The following DSC3 variants were observed in gnomAD, a reference collection of about 807,000 sequenced individuals.
DSC3 encodes the protein desmocollin-3.
A neutral mutation model predicts 89.5 loss-of-function variants in DSC3; 97 were observed. The observed-to-expected ratio is 1.08, with a 90% CI of 0.92 to 1.28. DSC3 has a LOEUF of 1.28. Ranked by LOEUF, DSC3 falls within the 50% of genes most tolerant of loss-of-function variation. The pLI, the probability that DSC3 is intolerant of heterozygous loss-of-function variation, is 0.00. For synonymous variants in DSC3, 436 were observed against 384.1 expected, an observed-to-expected ratio of 1.14 and a Z score of -1.58; for missense variants, 1,199 against 1,085.3, an observed-to-expected ratio of 1.10 and a Z score of -1.47.
At chr18:31,035,679 T>C (rs758705663) in intron 1 of DSC3, among the ~76,000 whole-genome samples, 16 of 151,916 alleles carry the variant, frequency 1.1e-4, no homozygotes, top group Non-Finnish European at 2.1e-4. Flanking sequence ...TTAAATCAAT[T>C]AAATCATAAA....
intron 6 of DSC3, 25 bp downstream of exon 6, chr18:31,024,324 T>C (rs753103946): frequency 2.6e-6 from 4 of 1,550,138 alleles, no homozygotes; most frequent in Non-Finnish European, 3.5e-6. Flanking sequence ...AAAATGATTC[T>C]TTTTATTCTT....
intron 15 of DSC3, 32 bp from the exon 16 acceptor site, chr18:30,994,404 A>G: frequency 6.2e-7 from 1 of 1,604,158 alleles, no homozygotes; most frequent in Non-Finnish European, 8.5e-7. Flanking sequence ...GAATTGCATT[A>G]TAGTTTTAAA....
Position 31,022,407 on chromosome 18 carries a change from A to T in DSC3, c.871T>A (p.Ser291Thr). 4 of 1,614,000 alleles carry T rather than the reference A, an allele frequency of 2.5e-6. No homozygotes were observed. The highest frequency in any genetic ancestry group is 3.4e-6 in the Non-Finnish European group (4 of 1,179,960). The change falls in exon 7 of 16, where the codon TCA becomes ACA. Residue 291 changes from serine (S) to threonine (T), a missense_variant. Physicochemically the swap from Ser to Thr is moderately conservative, Grantham distance 58 (BLOSUM62 1). Transcript: ENST00000360428. ...GGATGCACAGAAAAGAGCCCAGGTGACCTTGGTGTCTGCTGCAAAATGCTG... is the reference window on the plus strand; with the variant it reads ...GGATGCACAGAAAAGAGCCCAGGTGTCCTTGGTGTCTGCTGCAAAATGCTG... ...KYSILQQTPR[S>T]PGLFSVHPST...
At chr18:31,032,110 A>G in intron 2 of DSC3, 82 bp downstream of exon 2, 1 of 989,800 alleles carries the variant, frequency 1.0e-6, no homozygotes, top group East Asian at 2.5e-5. Flanking sequence ...GCTAACTCCA[A>G]AAGGCAAAGG....
chr18:31,015,967 A>G (rs963170892), intron 9 of DSC3, among the ~76,000 whole-genome samples: 1 of 152,174 alleles, frequency 6.6e-6, no homozygotes, highest in Non-Finnish European at 1.5e-5. Flanking sequence ...AGATGAGGAC[A>G]GAGACCTCTA....
chr18:31,018,558 G>T (rs922419874), intron 8 of DSC3, 108 bp downstream of exon 8: 2 of 1,210,554 alleles, frequency 1.7e-6, no homozygotes, highest in East Asian at 2.5e-5. Context: ...CATAAAATAC[G>T]TATACGTCAA....
chr18:31,031,999 A>ATAAT (rs752491506), intron 2 of DSC3, among the ~76,000 whole-genome samples, 193 bp downstream of exon 2: 313 of 152,312 alleles, frequency 2.1e-3, no homozygotes, highest in Non-Finnish European at 3.2e-3. Flanking sequence ...AAATAAATAA[A>ATAAT]CATCTTCAGG....
chr18:30,994,576 C>A, intron 15 of DSC3: 1 of 1,128,928 alleles, frequency 8.9e-7, no homozygotes, highest in South Asian at 1.4e-5. Context: ...TCTAGTGCTC[C>A]ATATAAATAA....
At chr18:31,034,574 T>C (rs141753378) in intron 1 of DSC3, among the ~76,000 whole-genome samples, 41 of 152,282 alleles carry the variant, frequency 2.7e-4, no homozygotes, top group Non-Finnish European at 5.0e-4. Context: ...GTCATGAATA[T>C]TCACAGTACA....
chr18:30,998,781 TAAC>T (rs200177504), intron 14 of DSC3, among the ~76,000 whole-genome samples: 6 of 152,058 alleles, frequency 3.9e-5, no homozygotes, highest in African/African-American at 7.2e-5. Flanking sequence ...CCAATGATGT[TAAC>T]AACAACAACA....
At chr18:31,038,728 A>C (rs938125667) in intron 1 of DSC3, among the ~76,000 whole-genome samples, 11 of 152,126 alleles carry the variant, frequency 7.2e-5, no homozygotes, top group Admixed American at 3.9e-4. Flanking sequence ...TGTGTGTTTT[A>C]ATAAATAATA....
chr18:31,020,551 T>G (rs1443117830), intron 7 of DSC3, among the ~76,000 whole-genome samples: 1 of 152,180 alleles, frequency 6.6e-6, no homozygotes, highest in African/African-American at 2.4e-5. Context: ...TACTGTTCGT[T>G]AGTCACGCTT....
rs561105257 is a variant in DSC3, at chr18:31,005,626, C to G, written c.1889-1260G>C. ...CCTGGTATGTTTCTTCTTTTATGCA[C>G]ATTATTAATCAATTATTGAACAAGC... On this transcript the variant is annotated intron_variant, in intron 12 of 15. Transcript: ENST00000360428. 2.0e-4 allele frequency among the ~76,000 whole-genome samples: 30 copies of G among 152,250 alleles called. No individual in the cohort carries two copies. In the East Asian group the frequency reaches 4.2e-3, roughly 22 times the overall value.
rs372338513 is a variant in DSC3 at position 30,994,288 on chromosome 18, G to C, written c.2578C>G (p.Pro860Ala). ...LTYNYEGRGS[P>A]AGSVGCCSEK... is the part of the protein sequence containing the mutation. ...CTGCAGCAGCCCACAGAACCAGCTG[G>C]AGATCCTCTTCCCTCATAGTTATAA... The change falls in exon 16 of 16, where the codon CCA (proline) becomes GCA (alanine). Residue 860 changes from proline to alanine, a missense_variant. Pro to Ala is a conservative substitution (Grantham distance 27). Coordinates refer to ENST00000360428, the MANE Select transcript of DSC3 (RefSeq NM_001941.5). The C allele has an allele frequency of 7.4e-6, 12 of 1,613,946 alleles. No homozygotes were observed. The African/African-American group carries it at 1.2e-4, about 16-fold the overall frequency.
intron 13 of DSC3, among the ~76,000 whole-genome samples, chr18:31,003,318 G>C (rs920977743): frequency 3.9e-5 from 6 of 152,028 alleles, no homozygotes; most frequent in African/African-American, 1.4e-4. Flanking sequence ...GATTGTTTTT[G>C]CTTGTTTGTT....
At chr18:31,028,332 A>C (rs143842886) in intron 4 of DSC3, among the ~76,000 whole-genome samples, 84 of 152,218 alleles carry the variant, frequency 5.5e-4, no homozygotes, top group Middle Eastern at 6.8e-3. Flanking sequence ...ATACTTCAAA[A>C]AGGAGGGAAA....
chr18:31,012,512 A>G lies in DSC3; in HGVS notation c.1264-3987T>C, dbSNP rs550178261. On this transcript the variant is annotated intron_variant, in intron 9 of 15. Coordinates refer to ENST00000360428, the MANE Select transcript of DSC3 (RefSeq NM_001941.5). ...CTCTCCTAGATAGTCTGGACATTCAACACCTGACTGTGGGGTACAAATCAC... is the reference window on the plus strand; with the variant it reads ...CTCTCCTAGATAGTCTGGACATTCAGCACCTGACTGTGGGGTACAAATCAC... 1.4e-3 allele frequency among the ~76,000 whole-genome samples: 206 copies of G among 152,294 alleles called. 1 individual carries two copies. Among genetic ancestry groups the G allele is most frequent in the African/African-American group, 4.8e-3 (199 of 41,568 alleles).
rs1984170399 is a variant in DSC3, at chr18:30,989,797, T to C, written c.*4378A>G. Among the ~76,000 whole-genome samples the C allele has an allele frequency of 6.6e-6, 1 of 152,162 alleles. No homozygotes were observed. Among genetic ancestry groups the C allele is most frequent in the Non-Finnish European group, 1.5e-5 (1 of 68,022 alleles). ...AAATAATATAAGAGCCAAAATAAAC[T>C]GTCTAAGCTGGTATTAACCTTTTTC... On this transcript the variant is annotated 3_prime_UTR_variant, in exon 16 of 16. Coordinates refer to ENST00000360428, the MANE Select transcript of DSC3 (RefSeq NM_001941.5).
chr18:30,996,476 C>T (rs927367285), intron 15 of DSC3, among the ~76,000 whole-genome samples: 19 of 151,988 alleles, frequency 1.3e-4, no homozygotes, highest in Non-Finnish European at 2.4e-4. Flanking sequence ...TTGTGAGGAA[C>T]TAGAATTACT....
Sources: gnomAD v4.1 joint callset for allele counts (sites outside exome capture counted in the v4.1 genomes callset) on GRCh38, gnomAD v4.1.1 for gene constraint, MANE v1.5 for transcripts, NCBI Gene and HGNC (gene_info 2026-07-23, HGNC 2026-07-21) for gene names.